ADGRB3: variants seen among roughly 807,000 people sequenced by gnomAD.
ADGRB3 encodes adhesion G protein-coupled receptor B3, also known as brain-specific angiogenesis inhibitor 3.
ADGRB3 carries 37 observed loss-of-function variants against 193.4 expected under a neutral mutation model. The observed-to-expected ratio is 0.19, with a 90% CI of 0.15 to 0.25. ADGRB3 has a LOEUF of 0.25. Ranked by LOEUF, ADGRB3 falls within the 10% of genes least tolerant of loss-of-function variation. The pLI is 1.00. For missense variants in ADGRB3, 1,637 were observed against 1,852.9 expected, an observed-to-expected ratio of 0.88 and a Z score of 2.14; for synonymous variants, 690 against 644.2, an observed-to-expected ratio of 1.07 and a Z score of -1.08.
At chr6:69,012,341 A>T (rs192826371) in intron 11 of ADGRB3, among the ~76,000 whole-genome samples, 1 of 152,158 alleles carries the variant, frequency 6.6e-6, no homozygotes, top group East Asian at 1.9e-4. Flanking sequence ...ATGCAGACCG[A>T]GGTCATGGAC....
intron 3 of ADGRB3, among the ~76,000 whole-genome samples, chr6:68,845,860 T>C (rs1038456145): frequency 2.6e-5 from 4 of 152,164 alleles, no homozygotes; most frequent in African/African-American, 9.7e-5. Context: ...GCTGAAAAGA[T>C]ACCCCAAAAT....
chr6:68,982,709 C>T (rs1768954157), intron 10 of ADGRB3, among the ~76,000 whole-genome samples: 1 of 152,126 alleles, frequency 6.6e-6, no homozygotes, highest in South Asian at 2.1e-4. Context: ...GCTTTTTACA[C>T]AGGGCAGAAG....
chr6:69,222,106 T>G (rs887524653), intron 17 of ADGRB3, among the ~76,000 whole-genome samples: 1 of 152,190 alleles, frequency 6.6e-6, no homozygotes, highest in African/African-American at 2.4e-5. Context: ...TCAGGTATTC[T>G]CCTCTCAAAC....
chr6:69,196,416 G>A (rs1313226623), intron 17 of ADGRB3, among the ~76,000 whole-genome samples: 2 of 152,074 alleles, frequency 1.3e-5, no homozygotes, highest in Non-Finnish European at 1.5e-5. Flanking sequence ...TCACACTTCC[G>A]CAGGCTGTGA....
intron 3 of ADGRB3, among the ~76,000 whole-genome samples, chr6:68,892,501 C>T (rs1766106282): frequency 6.6e-6 from 1 of 152,160 alleles, no homozygotes; most frequent in African/African-American, 2.4e-5. Context: ...TAGTCTCCAA[C>T]TCAACACTCA....
In ADGRB3 at chr6:68,860,040, T is replaced by C. The variant is rs183773346; in HGVS notation, c.758-70519T>C. ...TATGTATATTTTCCAAAATAAAATA[T>C]ATAATGAGAATACTGGCATTGTTTT... On this transcript the variant is annotated intron_variant, in intron 3 of 31. Transcript: ENST00000370598. 2.2e-4 allele frequency among the ~76,000 whole-genome samples: 33 copies of C among 152,298 alleles called. No individual in the cohort carries two copies. In the East Asian group the frequency reaches 6.4e-3, roughly 29 times the overall value.
At chr6:69,318,969 A>G (rs548948579) in intron 20 of ADGRB3, among the ~76,000 whole-genome samples, 102 of 150,648 alleles carry the variant, frequency 6.8e-4, no homozygotes, top group Non-Finnish European at 1.2e-3. Context: ...TCGCTGCTTT[A>G]TTGGTCTTTC....
intron 19 of ADGRB3, 55 bp downstream of exon 19, chr6:69,235,190 T>A: frequency 7.8e-7 from 1 of 1,282,648 alleles, no homozygotes; most frequent in Non-Finnish European, 1.1e-6. Context: ...CATAGTTAAA[T>A]CAAGGAATGT....
chr6:68,667,335 C>G (rs548608958), intron 3 of ADGRB3, among the ~76,000 whole-genome samples: 1 of 151,910 alleles, frequency 6.6e-6, no homozygotes, highest in East Asian at 1.9e-4. Flanking sequence ...ATCAAAGCTA[C>G]CTGGTGGTTT....
chr6:69,021,455 C>T (rs190867117), intron 13 of ADGRB3, among the ~76,000 whole-genome samples: 156 of 151,918 alleles, frequency 1.0e-3, no homozygotes, highest in Middle Eastern at 0.01. Flanking sequence ...TTCAGCATTT[C>T]TGTTTTCTAG....
intron 29 of ADGRB3, among the ~76,000 whole-genome samples, chr6:69,365,670 A>G (rs1250847034): frequency 1.3e-5 from 2 of 152,080 alleles, no homozygotes; most frequent in African/African-American, 4.8e-5. Context: ...ATTTGTGTAT[A>G]AGCTTACCTA....
intron 5 of ADGRB3, among the ~76,000 whole-genome samples, chr6:68,937,567 CA>C (rs1767515242): frequency 6.6e-6 from 1 of 152,108 alleles, no homozygotes; most frequent in Admixed American, 6.6e-5. Context: ...CAGGGACCTC[CA>C]AAAGGGGATG....
intron 31 of ADGRB3, 28 bp from the exon 32 acceptor site, chr6:69,388,675 T>C (rs1340384424): frequency 1.9e-6 from 3 of 1,594,542 alleles, no homozygotes; most frequent in East Asian, 2.2e-5. Flanking sequence ...ATCACATAAA[T>C]GACTCTCTTT....
At chr6:68,672,082 T>C (rs931084081) in intron 3 of ADGRB3, among the ~76,000 whole-genome samples, 1 of 152,074 alleles carries the variant, frequency 6.6e-6, no homozygotes, top group African/African-American at 2.4e-5. Context: ...TAATGATCTT[T>C]TGAATTTCTG....
chr6:69,002,597 T>TAAG lies in ADGRB3; in HGVS notation c.1929+8636_1929+8638dup, dbSNP rs569607062. ...ACTCCCATGCTGATTATCAATAGAT[T>TAAG]AAGTCACTTGGTGAAGACCTTGGAG... is the stretch of plus-strand genomic sequence containing the variant. On this transcript the variant is annotated intron_variant, in intron 11 of 31. Transcript: ENST00000370598. 1.7e-3 allele frequency among the ~76,000 whole-genome samples: 260 copies of TAAG among 152,324 alleles called. 2 individuals are homozygous for TAAG. The highest frequency in any genetic ancestry group is 0.01 in the Middle Eastern group (3 of 294).
At chr6:68,963,255 C>T (rs1237008495) in intron 8 of ADGRB3, among the ~76,000 whole-genome samples, 1 of 152,078 alleles carries the variant, frequency 6.6e-6, no homozygotes, top group Non-Finnish European at 1.5e-5. Context: ...ATATGTGCTG[C>T]AGAAGATTAT....
chr6:68,958,872 TGTGTG>T (rs375085769), intron 8 of ADGRB3, among the ~76,000 whole-genome samples: 131 of 28,866 alleles, frequency 4.5e-3, no homozygotes, highest in African/African-American at 0.015. Flanking sequence ...AGAAAAATAG[TGTGTG>T]TGTGTGTGTG....
At chr6:68,915,753 C>T (rs1490578330) in intron 3 of ADGRB3, among the ~76,000 whole-genome samples, 1 of 151,306 alleles carries the variant, frequency 6.6e-6, no homozygotes, top group Non-Finnish European at 1.5e-5. Flanking sequence ...CTGTCTGGAG[C>T]TTTGAGTGGG....
At chr6:68,704,798 T>C (rs1273147814) in intron 3 of ADGRB3, among the ~76,000 whole-genome samples, 3 of 152,190 alleles carry the variant, frequency 2.0e-5, no homozygotes, top group Non-Finnish European at 4.4e-5. Context: ...AGTAAAATCC[T>C]GTATCATTAG....
Sources: allele counts gnomAD v4.1 joint callset (sites outside exome capture counted in the v4.1 genomes callset), GRCh38; gene constraint gnomAD v4.1.1; transcripts MANE v1.5; gene names NCBI Gene and HGNC (gene_info 2026-07-23, HGNC 2026-07-21).